Variants in RBFOX1 observed in about 807,000 individuals in gnomAD.
RBFOX1 encodes the protein RNA binding fox-1 homolog 1.
In RBFOX1, 8 loss-of-function variants were observed where a neutral mutation model predicts 57.7. The observed-to-expected ratio is 0.14, with a 90% CI of 0.08 to 0.25. The LOEUF is 0.25. Ranked by LOEUF, RBFOX1 falls within the 10% of genes least tolerant of loss-of-function variation. RBFOX1 has a pLI of 1.00. For missense variants in RBFOX1, 611 were observed against 548.5 expected (o/e 1.11, Z -1.14); for synonymous variants, 326 against 222.4 (o/e 1.47, Z -4.15).
intron 14 of RBFOX1, among the ~76,000 whole-genome samples, chr16:7,699,775 A>C (rs2080050501): frequency 6.6e-6 from 1 of 152,196 alleles, no homozygotes; most frequent in African/African-American, 2.4e-5. Flanking sequence ...AAAATTTAAA[A>C]TGACATATGT....
intron 3 of RBFOX1, among the ~76,000 whole-genome samples, chr16:6,790,969 G>A (rs77796507): frequency 0.01 from 1,542 of 151,838 alleles, 31 homozygotes; most frequent in African/African-American, 0.035. Context: ...GCATTGGTAT[G>A]ATCTTGACTC....
chr16:5,985,561 A>T (rs961397123), intron 4 of RBFOX1, among the ~76,000 whole-genome samples: 1 of 152,108 alleles, frequency 6.6e-6, no homozygotes, highest in Non-Finnish European at 1.5e-5. Context: ...GAAGGTTCAA[A>T]CCCAGGCAGC....
chr16:7,484,611 C>T (rs1057230939), intron 4 of RBFOX1, among the ~76,000 whole-genome samples: 45 of 152,102 alleles, frequency 3.0e-4, no homozygotes, highest in African/African-American at 1.1e-3. Context: ...TACAGGCGCC[C>T]ACTACCAGAG....
chr16:7,101,940 C>T (rs563023865), intron 4 of RBFOX1, among the ~76,000 whole-genome samples: 1 of 152,126 alleles, frequency 6.6e-6, no homozygotes, highest in Non-Finnish European at 1.5e-5. Context: ...GTTGGTGCTC[C>T]TTTCACCAAG....
intron 4 of RBFOX1, among the ~76,000 whole-genome samples, chr16:7,517,531 TACACGCATACACACACACAGACAC>T (rs947804142): frequency 2.3e-5 from 2 of 87,408 alleles, no homozygotes; most frequent in Non-Finnish European, 4.7e-5. Flanking sequence ...GGGGACATCA[TACACGCATACACACACACAGACAC>T]ACACACACAC....
intron 3 of RBFOX1, among the ~76,000 whole-genome samples, chr16:6,662,808 A>C (rs901968839): frequency 9.0e-5 from 3 of 33,442 alleles, no homozygotes; most frequent in African/African-American, 3.4e-4. Flanking sequence ...TACATATGAC[A>C]AAAAAAATAC....
chr16:6,892,092 C>G (rs2065576185), intron 3 of RBFOX1, among the ~76,000 whole-genome samples: 1 of 152,074 alleles, frequency 6.6e-6, no homozygotes. Context: ...TTCTTAGTTT[C>G]CTTTACAGCA....
intron 1 of RBFOX1, among the ~76,000 whole-genome samples, chr16:5,310,809 A>G (rs952063076): frequency 2.0e-5 from 3 of 152,220 alleles, no homozygotes; most frequent in South Asian, 2.1e-4. Flanking sequence ...GGAAAAGTAT[A>G]GTTTGTACAA....
chr16:6,644,112 C>T (rs955930600), intron 2 of RBFOX1, among the ~76,000 whole-genome samples: 14 of 152,120 alleles, frequency 9.2e-5, no homozygotes, highest in South Asian at 2.1e-4. Flanking sequence ...GGCAACAGAG[C>T]GAGACTCCAT....
At chr16:7,525,934 C>A (rs2152313833) in intron 5 of RBFOX1, among the ~76,000 whole-genome samples, 1 of 152,264 alleles carries the variant, frequency 6.6e-6, no homozygotes, top group African/African-American at 2.4e-5. Context: ...CTCCAGCTGT[C>A]TTCTAAAATA....
At chr16:6,379,883 G>A (rs188557059) in intron 2 of RBFOX1, among the ~76,000 whole-genome samples, 1 of 152,182 alleles carries the variant, frequency 6.6e-6, no homozygotes, top group East Asian at 1.9e-4. Context: ...TGGGATGGGA[G>A]GCATTTGAGC....
chr16:6,158,741 G>A (rs2096856276), intron 1 of RBFOX1, among the ~76,000 whole-genome samples: 1 of 152,246 alleles, frequency 6.6e-6, no homozygotes, highest in Non-Finnish European at 1.5e-5. Flanking sequence ...AACGGTCCAA[G>A]TTTCTGCATT....
intron 3 of RBFOX1, among the ~76,000 whole-genome samples, chr16:6,954,822 C>T (rs2081428237): frequency 6.6e-6 from 1 of 152,136 alleles, no homozygotes; most frequent in Non-Finnish European, 1.5e-5. Context: ...AACCTCATTT[C>T]TGTGGATTAG....
At chr16:5,255,195 C>G (rs1401235028) in intron 1 of RBFOX1, among the ~76,000 whole-genome samples, 1 of 152,126 alleles carries the variant, frequency 6.6e-6, no homozygotes, top group Non-Finnish European at 1.5e-5. Flanking sequence ...ATTACAGAGG[C>G]AAGCCCCCTT....
intron 3 of RBFOX1, among the ~76,000 whole-genome samples, chr16:5,862,550 T>TG: frequency 6.6e-6 from 1 of 152,268 alleles, no homozygotes; most frequent in Admixed American, 6.5e-5. Flanking sequence ...ACCCACTGCG[T>TG]GTCAGGGTTT....
Position 6,624,607 on chromosome 16 carries a change from G to C in RBFOX1, c.-63-29996G>C, listed in dbSNP as rs12923947. On this transcript the variant is annotated intron_variant, in intron 2 of 15. Transcript: ENST00000550418. The stretch of plus-strand genomic sequence containing the variant: ...TTTGTAAGACTGTACCCTAAAAGTA[G>C]CCACAGTGCAGCTGTGTTTTATATG... Among the ~76,000 whole-genome samples, 1,407 of 152,246 alleles carry C rather than the reference G, an allele frequency of 9.2e-3. 12 individuals carry two copies. The highest frequency in any genetic ancestry group is 0.013 in the Non-Finnish European group (882 of 68,016).
At chr16:5,338,020 G>T (rs189548085) in intron 1 of RBFOX1, among the ~76,000 whole-genome samples, 1 of 152,204 alleles carries the variant, frequency 6.6e-6, no homozygotes. Flanking sequence ...CTGCAGCCTG[G>T]ACAACAAAGT....
At chr16:6,646,886 G>C (rs2098538707) in intron 2 of RBFOX1, among the ~76,000 whole-genome samples, 2 of 152,102 alleles carry the variant, frequency 1.3e-5, no homozygotes, top group South Asian at 4.2e-4. Context: ...TAATTTAGGA[G>C]ACAGGGTGAG....
intron 2 of RBFOX1, among the ~76,000 whole-genome samples, chr16:5,536,083 C>G (rs1446770690): frequency 7.0e-6 from 1 of 143,412 alleles, no homozygotes; most frequent in African/African-American, 2.6e-5. Flanking sequence ...TGAGAAGTCC[C>G]CAAGTCATCA....
Sources: gnomAD v4.1 joint callset for allele counts (sites outside exome capture counted in the v4.1 genomes callset) on GRCh38, gnomAD v4.1.1 for gene constraint, MANE v1.5 for transcripts, NCBI Gene and HGNC (gene_info 2026-07-23, HGNC 2026-07-21) for gene names.